EXOC4: variants seen among roughly 807,000 people sequenced by gnomAD.
EXOC4 encodes the protein exocyst complex component 4.
EXOC4 carries 71 observed loss-of-function variants against 107.2 expected under a neutral mutation model. The observed-to-expected ratio is 0.66, with a 90% CI of 0.55 to 0.81. The LOEUF is 0.81. Among genes scored for constraint, EXOC4 ranks in the 30% least tolerant of loss-of-function variants. EXOC4 has a pLI of 0.00. For missense variants in EXOC4, 1,108 were observed against 1,189.6 expected, an observed-to-expected ratio of 0.93 and a Z score of 1.01; for synonymous variants, 456 against 441.2, an observed-to-expected ratio of 1.03 and a Z score of -0.42.
At chr7:134,063,001 G>C (rs76576074) in intron 17 of EXOC4, among the ~76,000 whole-genome samples, 4,320 of 152,272 alleles carry the variant, frequency 0.028, 187 homozygotes, top group African/African-American at 0.093. Flanking sequence ...AGACCATTCT[G>C]CGTTTGATTG....
At chr7:134,014,664 G>A (rs566576237) in intron 17 of EXOC4, among the ~76,000 whole-genome samples, 7 of 152,152 alleles carry the variant, frequency 4.6e-5, no homozygotes, top group African/African-American at 1.7e-4. Flanking sequence ...GTCTTTGGGG[G>A]GTGATGAAAA....
rs1200409430 is a variant in EXOC4, at chr7:133,521,443, A to G, written c.1417+41305A>G. 3.9e-5 allele frequency among the ~76,000 whole-genome samples: 6 copies of G among 152,310 alleles called. No homozygotes were observed. The South Asian group carries it at 6.2e-4, about 16-fold the overall frequency. ...TAAGGCTGTTACTTTATAAAATTGG[A>G]AAGTATTTATTTGTTAACACTTATT... On this transcript the variant is annotated intron_variant, in intron 9 of 17. Transcript: ENST00000253861.
Position 134,064,437 on chromosome 7 carries a change from A to G in EXOC4, c.2834A>G (p.Gln945Arg), listed in dbSNP as rs1223871786. 35 of 1,609,232 alleles carry G rather than the reference A, an allele frequency of 2.2e-5. No individual in the cohort carries two copies. Among genetic ancestry groups the G allele is most frequent in the African/African-American group, 5.3e-5 (4 of 74,798 alleles). The change falls in exon 18 of 18, where the codon CAG (glutamine) becomes CGG (arginine). Residue 945 changes from glutamine (Q) to arginine (R), a missense_variant. Transcript: ENST00000253861. ...SQTGVGELTT[Q>R]NTRLQRLKEI... ...ACTGGGGTGGGGGAACTGACCACCC[A>G]GAACACGAGGCTGCAGAGGCTCAAA...
At chr7:134,014,560 T>C (rs75479575) in intron 17 of EXOC4, among the ~76,000 whole-genome samples, 2,655 of 152,254 alleles carry the variant, frequency 0.017, 76 homozygotes, top group African/African-American at 0.06. Context: ...AAAGCTATTT[T>C]GTATGACACT....
chr7:134,017,401 C>T (rs1794934985), intron 17 of EXOC4, among the ~76,000 whole-genome samples: 1 of 152,040 alleles, frequency 6.6e-6, no homozygotes, highest in African/African-American at 2.4e-5. Context: ...TACATGGCTT[C>T]CACTGCCAGA....
At chr7:134,079,819 A>C in the EXOC4 span, among the ~76,000 whole-genome samples, 5 of 152,338 alleles carry the variant, frequency 3.3e-5, no homozygotes, top group African/African-American at 1.2e-4. Flanking sequence ...CAAATTTGCA[A>C]GGCAGGACCC....
intron 14 of EXOC4, among the ~76,000 whole-genome samples, chr7:133,945,983 C>T (rs543951900): frequency 1.3e-5 from 2 of 152,280 alleles, no homozygotes; most frequent in South Asian, 2.1e-4. Flanking sequence ...CCGGAGTTTT[C>T]CTTGTCATAA....
At chr7:133,742,773 G>A (rs145084626) in intron 10 of EXOC4, among the ~76,000 whole-genome samples, 27 of 152,278 alleles carry the variant, frequency 1.8e-4, no homozygotes, top group African/African-American at 6.3e-4. Flanking sequence ...CATGTAGCTC[G>A]AAAGGATGTC....
intron 10 of EXOC4, among the ~76,000 whole-genome samples, chr7:133,713,370 T>G (rs1585096978): frequency 6.6e-6 from 1 of 151,660 alleles, no homozygotes; most frequent in African/African-American, 2.4e-5. Context: ...TTACCAATTA[T>G]TTTTTTTTCA....
the EXOC4 span, among the ~76,000 whole-genome samples, chr7:134,088,690 G>A: frequency 2.0e-5 from 3 of 152,248 alleles, no homozygotes; most frequent in African/African-American, 7.2e-5. Context: ...GAGTTCTACA[G>A]CTGACTATAA....
intron 9 of EXOC4, among the ~76,000 whole-genome samples, chr7:133,567,288 C>T (rs941631570): frequency 6.6e-6 from 1 of 151,792 alleles, no homozygotes; most frequent in Admixed American, 6.6e-5. Context: ...CTGTTTTACA[C>T]AGATGGTAAC....
intron 10 of EXOC4, among the ~76,000 whole-genome samples, chr7:133,658,015 G>T (rs779522612): frequency 5.3e-5 from 8 of 152,114 alleles, no homozygotes; most frequent in Non-Finnish European, 1.2e-4. Context: ...CAAAAGGATG[G>T]GAGAGTATAG....
chr7:133,364,750 T>C (rs2150672444), intron 6 of EXOC4, among the ~76,000 whole-genome samples: 1 of 152,338 alleles, frequency 6.6e-6, no homozygotes, highest in Admixed American at 6.5e-5. Flanking sequence ...CAAAGCCATC[T>C]GCCATCTGGT....
chr7:134,051,703 T>C (rs1391373635), intron 17 of EXOC4, among the ~76,000 whole-genome samples: 4 of 127,476 alleles, frequency 3.1e-5, no homozygotes, highest in Admixed American at 1.7e-4. Context: ...CTTGGCTACC[T>C]GGGCCGATGC....
At chr7:133,895,784 T>A in intron 12 of EXOC4, 49 bp downstream of exon 12, 1 of 1,576,068 alleles carries the variant, frequency 6.3e-7, no homozygotes, top group Non-Finnish European at 8.6e-7. Context: ...AGCCTGATGG[T>A]GGTTCCAATT....
intron 7 of EXOC4, among the ~76,000 whole-genome samples, chr7:133,375,693 T>C (rs1157509357): frequency 6.6e-6 from 1 of 152,196 alleles, no homozygotes; most frequent in African/African-American, 2.4e-5. Flanking sequence ...CAGTCAACTT[T>C]TGCATATATT....
At position 133,483,729 on chromosome 7, in the gene EXOC4, G is replaced by C. The variant is rs142662185; in HGVS notation, c.1417+3591G>C. On this transcript the variant is annotated intron_variant, in intron 9 of 17. Transcript: ENST00000253861. ...GGACCAGTTTTTGTAAAAGTCTGAT[G>C]GTGTTTCATTCAGGAGGAAAAGTTT... Among the ~76,000 whole-genome samples, 1,146 of 152,226 alleles carry C rather than the reference G, an allele frequency of 7.5e-3. 10 individuals are homozygous for C. The highest frequency in any genetic ancestry group is 0.012 in the Non-Finnish European group (788 of 68,000).
rs1389900993 is a variant in EXOC4, at chr7:133,510,162, A to G, written c.1417+30024A>G. Among the ~76,000 whole-genome samples the G allele has an allele frequency of 4.6e-5, 7 of 152,258 alleles. 1 individual carries two copies. In the South Asian group the frequency reaches 1.4e-3, roughly 32 times the overall value. Reference sequence around the variant, plus strand: ...CCACCTCAGCCTCAGAAGACCACCAATCTAATTTCCTTCTCTATATATTTA... The same window carrying G: ...CCACCTCAGCCTCAGAAGACCACCAGTCTAATTTCCTTCTCTATATATTTA... On this transcript the variant is annotated intron_variant, in intron 9 of 17. Coordinates refer to ENST00000253861, the MANE Select transcript of EXOC4 (RefSeq NM_021807.4).
intron 14 of EXOC4, among the ~76,000 whole-genome samples, chr7:133,940,837 G>A (rs952091751): frequency 1.1e-4 from 17 of 151,436 alleles, no homozygotes; most frequent in Non-Finnish European, 5.9e-5. Flanking sequence ...TTCCAAGTCT[G>A]GAGACTAGAG....
Sources: gnomAD v4.1 joint callset for allele counts (sites outside exome capture counted in the v4.1 genomes callset) on GRCh38, gnomAD v4.1.1 for gene constraint, MANE v1.5 for transcripts, NCBI Gene and HGNC (gene_info 2026-07-23, HGNC 2026-07-21) for gene names.